CALD1: variants seen among roughly 807,000 people sequenced by gnomAD.
CALD1 encodes the protein caldesmon 1.
CALD1 carries 33 observed loss-of-function variants against 99.9 expected under a neutral mutation model. That is an observed-to-expected ratio of 0.33 (90% CI 0.25 to 0.44). The LOEUF (loss-of-function observed/expected upper bound fraction) is 0.44, where lower values mean the gene tolerates loss of function less well. CALD1 is among the 20% of genes least tolerant of loss of function. The pLI is 1.00. For missense variants in CALD1, 861 were observed against 962.1 expected, an observed-to-expected ratio of 0.89 and a Z score of 1.39; for synonymous variants, 310 against 325.0, an observed-to-expected ratio of 0.95 and a Z score of 0.50.
chr7:134,777,467 G>C (rs575340140), upstream of CALD1, among the ~76,000 whole-genome samples: 1 of 152,132 alleles, frequency 6.6e-6, no homozygotes, highest in Non-Finnish European at 1.5e-5. Flanking sequence ...GGTCCCTGCC[G>C]TGTTTCCTGT....
chr7:134,747,864 C>A (rs1043185579), intron 1 of CALD1, among the ~76,000 whole-genome samples: 4 of 152,220 alleles, frequency 2.6e-5, no homozygotes, highest in African/African-American at 4.8e-5. Flanking sequence ...TGGAACCATG[C>A]GAGTGGGGAC....
intron 2 of CALD1, among the ~76,000 whole-genome samples, chr7:134,866,260 C>T (rs563432696): frequency 6.6e-6 from 1 of 152,086 alleles, no homozygotes; most frequent in Non-Finnish European, 1.5e-5. Flanking sequence ...TCTTTATGGT[C>T]GATGAAATAA....
intron 1 of CALD1, among the ~76,000 whole-genome samples, chr7:134,832,697 G>A (rs1227650954): frequency 6.6e-6 from 1 of 152,184 alleles, no homozygotes; most frequent in Non-Finnish European, 1.5e-5. Flanking sequence ...CAGACAGCGG[G>A]AGAAATACAC....
chr7:134,719,637 T>C, the CALD1 span, among the ~76,000 whole-genome samples: 2 of 151,870 alleles, frequency 1.3e-5, no homozygotes, highest in Non-Finnish European at 2.9e-5. Context: ...ACAGGAAGAG[T>C]GTAGCTGGGC....
At chr7:134,821,098 C>T (rs1472337095) in intron 1 of CALD1, among the ~76,000 whole-genome samples, 1 of 152,024 alleles carries the variant, frequency 6.6e-6, no homozygotes, top group Non-Finnish European at 1.5e-5. Context: ...TTTGTGATTA[C>T]ACCATGTAAA....
chr7:134,914,707 T>C (rs1804078256), intron 3 of CALD1, among the ~76,000 whole-genome samples: 1 of 152,214 alleles, frequency 6.6e-6, no homozygotes, highest in Non-Finnish European at 1.5e-5. Flanking sequence ...TATTTGAGCT[T>C]TCTGTACATG....
chr7:134,730,135 C>G, the CALD1 span, among the ~76,000 whole-genome samples: 3 of 152,064 alleles, frequency 2.0e-5, no homozygotes. Context: ...CAGCAAAAGG[C>G]CTGAATCCAA....
intron 3 of CALD1, among the ~76,000 whole-genome samples, chr7:134,927,551 C>CAAAAAAAAAAAAAAAAAAAA (rs58182455): frequency 2.5e-5 from 1 of 40,382 alleles, no homozygotes. Flanking sequence ...GACTGTGTCT[C>CAAAAAAAAAAAAAAAAAAAA]AAAAAAAAAA....
intron 2 of CALD1, among the ~76,000 whole-genome samples, chr7:134,859,541 T>G (rs1431503600): frequency 1.3e-5 from 2 of 152,176 alleles, no homozygotes; most frequent in African/African-American, 4.8e-5. Flanking sequence ...TCACTTCTCT[T>G]CATTCTTCTA....
upstream of CALD1, among the ~76,000 whole-genome samples, chr7:134,778,679 G>A (rs1221444097): frequency 6.6e-6 from 1 of 152,192 alleles, no homozygotes; most frequent in African/African-American, 2.4e-5. Flanking sequence ...TAACCATGAA[G>A]AGTTGGTCGG....
At chr7:134,878,388 G>A (rs1374661751) in intron 3 of CALD1, among the ~76,000 whole-genome samples, 1 of 152,018 alleles carries the variant, frequency 6.6e-6, no homozygotes, top group African/African-American at 2.4e-5. Context: ...GGCCAACATG[G>A]TGAAACCTCT....
At chr7:134,960,852 A>G (rs539799740) in intron 13 of CALD1, 2 of 366,652 alleles carry the variant, frequency 5.5e-6, no homozygotes, top group Non-Finnish European at 9.9e-6. Flanking sequence ...TCTACACCCT[A>G]ACTGAGAGGA....
chr7:134,864,399 C>T (rs35558985), intron 2 of CALD1, among the ~76,000 whole-genome samples: 3 of 141,138 alleles, frequency 2.1e-5, no homozygotes, highest in Non-Finnish European at 3.0e-5. Context: ...AATCTTTTTT[C>T]TTTCCTTTTT....
intron 3 of CALD1, among the ~76,000 whole-genome samples, chr7:134,882,127 T>A (rs1161252628): frequency 1.3e-5 from 2 of 152,226 alleles, no homozygotes; most frequent in African/African-American, 2.4e-5. Context: ...CAATGTTGAA[T>A]GAACACTAAC....
At chr7:134,746,480 G>C (rs890112057) in intron 1 of CALD1, among the ~76,000 whole-genome samples, 1 of 152,220 alleles carries the variant, frequency 6.6e-6, no homozygotes, top group Non-Finnish European at 1.5e-5. Context: ...ACTGAGAAGT[G>C]GGGGTGCTGC....
intron 3 of CALD1, among the ~76,000 whole-genome samples, chr7:134,908,397 C>T (rs1355552071): frequency 6.6e-6 from 1 of 152,180 alleles, no homozygotes; most frequent in Non-Finnish European, 1.5e-5. Context: ...TGATGAGTTG[C>T]TCATCTATTT....
intron 1 of CALD1, among the ~76,000 whole-genome samples, chr7:134,754,604 A>G (rs1288641297): frequency 1.3e-5 from 2 of 152,234 alleles, no homozygotes; most frequent in Non-Finnish European, 2.9e-5. Flanking sequence ...ACAAGAAAAT[A>G]CATGTATGAT....
chr7:134,748,010 G>A (rs1796651169), intron 1 of CALD1, among the ~76,000 whole-genome samples: 1 of 152,238 alleles, frequency 6.6e-6, no homozygotes, highest in Non-Finnish European at 1.5e-5. Flanking sequence ...GGCTGTCCAA[G>A]GCCATGAAGG....
At chr7:134,804,280 A>G (rs951443527) in intron 1 of CALD1, among the ~76,000 whole-genome samples, 8 of 152,198 alleles carry the variant, frequency 5.3e-5, no homozygotes, top group Admixed American at 3.9e-4. Context: ...TTTCCTTGCT[A>G]CTATCCCCCA....
Sources: gnomAD v4.1 joint callset for allele counts (sites outside exome capture counted in the v4.1 genomes callset) on GRCh38, gnomAD v4.1.1 for gene constraint, MANE v1.5 for transcripts, NCBI Gene and HGNC (gene_info 2026-07-23, HGNC 2026-07-21) for gene names.